The following WASHC4 variants were observed in gnomAD, a reference collection of about 807,000 sequenced individuals.
WASHC4 encodes WASH complex subunit 7.
A neutral mutation model predicts 166.6 loss-of-function variants in WASHC4; 86 were observed. The observed-to-expected ratio is 0.52, with a 90% CI of 0.43 to 0.62. The LOEUF (loss-of-function observed/expected upper bound fraction) is 0.62, where lower values mean the gene tolerates loss of function less well. WASHC4 is among the 20% of genes least tolerant of loss of function. WASHC4 has a pLI of 0.00. For synonymous variants in WASHC4, 446 were observed against 451.6 expected, an observed-to-expected ratio of 0.99 and a Z score of 0.16; for missense variants, 1,262 against 1,382.4, an observed-to-expected ratio of 0.91 and a Z score of 1.38.
At chr12:105,120,627 C>A in intron 8 of WASHC4, 30 bp downstream of exon 8, 2 of 1,493,706 alleles carry the variant, frequency 1.3e-6, no homozygotes, top group Non-Finnish European at 1.9e-6. Context: ...ACCTGTAAAA[C>A]TGTAATTATT....
chr12:105,152,273 T>G, intron 25 of WASHC4, 70 bp from the exon 26 acceptor site: 1 of 786,210 alleles, frequency 1.3e-6, no homozygotes, highest in Non-Finnish European at 2.3e-6. Flanking sequence ...AGTATTGGCA[T>G]GGTTTATTTG....
In WASHC4 at chr12:105,149,674, T is replaced by C. The variant is rs1883582246; in HGVS notation, c.2574T>C (p.Tyr858=). 1.3e-6 allele frequency: 2 copies of C among 1,572,270 alleles called. No homozygotes were observed. Among genetic ancestry groups the C allele is most frequent in the Middle Eastern group, 1.7e-4 (1 of 5,956 alleles). ...KKFYIFSQFM[Y]DEHIKSRLIK... ...TCTATATATTTAGCCAATTTATGTA[T>C]GATGAACACATCAAATCCAGATTGA... The change falls in exon 25 of 33, where the codon TAT becomes TAC. Residue 858 remains tyrosine, a synonymous_variant. Coordinates refer to ENST00000332180, the MANE Select transcript of WASHC4 (RefSeq NM_015275.3).
chr12:105,140,265 G>T, intron 15 of WASHC4, 29 bp from the exon 16 acceptor site: 1 of 1,522,582 alleles, frequency 6.6e-7, no homozygotes. Flanking sequence ...TAAGTTGATT[G>T]TCAGAAAATT....
At chr12:105,159,693 G>A (rs955796877) in intron 28 of WASHC4, among the ~76,000 whole-genome samples, 1 of 152,106 alleles carries the variant, frequency 6.6e-6, no homozygotes, top group Non-Finnish European at 1.5e-5. Flanking sequence ...GAGATTTAAG[G>A]GGAAGAGGAA....
intron 22 of WASHC4, among the ~76,000 whole-genome samples, chr12:105,145,783 G>C (rs1440575069): frequency 6.6e-6 from 1 of 152,066 alleles, no homozygotes; most frequent in Admixed American, 6.6e-5. Context: ...CTATGGAACA[G>C]TTTATATGAT....
At chr12:105,139,735 G>A (rs1882655570) in intron 15 of WASHC4, among the ~76,000 whole-genome samples, 1 of 150,830 alleles carries the variant, frequency 6.6e-6, no homozygotes, top group South Asian at 2.1e-4. Flanking sequence ...ATTCATTTTG[G>A]GTCTTCTTAT....
At chr12:105,157,823 AT>A (rs1263415497) in intron 28 of WASHC4, among the ~76,000 whole-genome samples, 2 of 152,178 alleles carry the variant, frequency 1.3e-5, no homozygotes, top group Non-Finnish European at 2.9e-5. Context: ...TGAAGTGTAA[AT>A]TTTATCTTAA....
In WASHC4 at chr12:105,126,301, T is replaced by G; in HGVS notation, c.977T>G (p.Phe326Cys). The change falls in exon 12 of 33, where the codon TTT becomes TGT. Residue 326 changes from phenylalanine (F) to cysteine (C), a missense_variant. Coordinates refer to ENST00000332180, the MANE Select transcript of WASHC4 (RefSeq NM_015275.3). ...ATTTGTGGACTCTTTGTATTGCACTTTCAGATTTTTCGAACTATTGATAAA... is the reference window on the plus strand; with the variant it reads ...ATTTGTGGACTCTTTGTATTGCACTGTCAGATTTTTCGAACTATTGATAAA... ...VGICGLFVLH[F>C]QIFRTIDKKF... The G allele has an allele frequency of 6.2e-7, 1 of 1,606,614 alleles. No homozygotes were observed. The highest frequency in any genetic ancestry group is 8.5e-7 in the Non-Finnish European group (1 of 1,173,840).
Position 105,162,796 on chromosome 12 carries a change from TAAAA to T in WASHC4, c.3113_3116del (p.Lys1038IlefsTer20). On this transcript the variant is annotated frameshift_variant, in exon 30 of 33. Coordinates refer to ENST00000332180, the MANE Select transcript of WASHC4 (RefSeq NM_015275.3). LOFTEE classifies it high-confidence loss of function. ...CCATTAGTTGCAAGGAAAAATTAAA[TAAAA>T]AAAATAAAATTGGAGCTGCCTTTAC... 6.2e-7 allele frequency: 1 copy of T among 1,603,640 alleles called. No homozygotes were observed. Among genetic ancestry groups the T allele is most frequent in the South Asian group, 1.1e-5 (1 of 90,544 alleles).
At chr12:105,110,495 A>G (rs558200144) in intron 1 of WASHC4, among the ~76,000 whole-genome samples, 81 of 152,316 alleles carry the variant, frequency 5.3e-4, no homozygotes, top group Middle Eastern at 3.4e-3. Context: ...TAATTCTGTG[A>G]AGAACAGCAT....
At chr12:105,150,134 C>T (rs1883623657) in intron 25 of WASHC4, among the ~76,000 whole-genome samples, 1 of 152,088 alleles carries the variant, frequency 6.6e-6, no homozygotes, top group African/African-American at 2.4e-5. Context: ...ACATATATTG[C>T]TTTTAAAAGC....
chr12:105,121,300 A>G (rs1365637299), intron 9 of WASHC4, 96 bp downstream of exon 9: 1 of 763,298 alleles, frequency 1.3e-6, no homozygotes, highest in African/African-American at 1.7e-5. Flanking sequence ...AGATTTTCTA[A>G]AAGACCTGGG....
In WASHC4 at chr12:105,168,688, TGACA is replaced by T. The variant is rs1477837008; in HGVS notation, c.*1762_*1765del. The T allele has an allele frequency of 1.3e-5, 2 of 151,858 alleles. No individual in the cohort carries two copies. The highest frequency in any genetic ancestry group is 2.9e-5 in the Non-Finnish European group (2 of 67,892). 9.4% of individuals were successfully genotyped at this position (151,858 alleles called of 1,614,324 possible). A position where few individuals can be genotyped will look rare whatever the true frequency, so the allele number is the denominator to read the frequency against. ...TGGATACCTACAGTTGAGAAGAAAA[TGACA>T]GACAATTATTTTTCCTTTAGGTCAA... On this transcript the variant is annotated 3_prime_UTR_variant, in exon 33 of 33. Coordinates refer to ENST00000332180, the MANE Select transcript of WASHC4 (RefSeq NM_015275.3).
rs1881900139 is a variant in WASHC4 at position 105,132,260 on chromosome 12, C to T, written c.1200-1510C>T. Among the ~76,000 whole-genome samples the T allele has an allele frequency of 3.3e-5, 5 of 152,236 alleles. No individual in the cohort carries two copies. In the South Asian group the frequency reaches 1.0e-3, roughly 31 times the overall value. The stretch of plus-strand genomic sequence containing the variant: ...CTTAGCTCACTGCAATCTCTTCCGC[C>T]TCCCGGGTTTAAGCAATTCTCTTGC... On this transcript the variant is annotated intron_variant, in intron 13 of 32. Transcript: ENST00000332180.
At chr12:105,123,655 C>T (rs1324320553) in intron 10 of WASHC4, among the ~76,000 whole-genome samples, 1 of 152,192 alleles carries the variant, frequency 6.6e-6, no homozygotes, top group African/African-American at 2.4e-5. Context: ...AGGAAGCTGT[C>T]TCCATAACAT....
chr12:105,152,070 T>C (rs1247694400), intron 25 of WASHC4, among the ~76,000 whole-genome samples: 1 of 152,184 alleles, frequency 6.6e-6, no homozygotes, highest in African/African-American at 2.4e-5. Flanking sequence ...GGTTTCTTTT[T>C]TCTGTTAGAG....
Position 105,164,099 on chromosome 12 carries a change from T to A in WASHC4, c.3158-12T>A. 1 of 1,613,846 alleles carries A rather than the reference T, an allele frequency of 6.2e-7. No homozygotes were observed. Among genetic ancestry groups the A allele is most frequent in the Non-Finnish European group, 8.5e-7 (1 of 1,179,748 alleles). ...CACTGTAATTTAACCTTAGTTTTGC[T>A]TATGCCTGCAGGTGTGGCTTACATT... On this transcript the variant is annotated splice_polypyrimidine_tract_variant and intron_variant, in intron 30 of 32. Coordinates refer to ENST00000332180, the MANE Select transcript of WASHC4 (RefSeq NM_015275.3).
chr12:105,159,347 T>A (rs542230635), intron 28 of WASHC4, among the ~76,000 whole-genome samples: 16 of 152,332 alleles, frequency 1.1e-4, no homozygotes, highest in African/African-American at 3.8e-4. Flanking sequence ...AGGGTCATGA[T>A]AATGAATAGA....
At chr12:105,111,484 C>CA (rs772474232) in intron 2 of WASHC4, among the ~76,000 whole-genome samples, 17 of 152,218 alleles carry the variant, frequency 1.1e-4, no homozygotes, top group Middle Eastern at 3.4e-3. Flanking sequence ...CCTTTAGTGT[C>CA]AAAGAATGAC....
Sources: allele counts gnomAD v4.1 joint callset (sites outside exome capture counted in the v4.1 genomes callset), GRCh38; gene constraint gnomAD v4.1.1; transcripts MANE v1.5; gene names NCBI Gene and HGNC (gene_info 2026-07-23, HGNC 2026-07-21).